The following SUGCT variants were observed in gnomAD, a reference collection of about 807,000 sequenced individuals.
SUGCT encodes succinyl-CoA:glutarate-CoA transferase, also known as succinyl-CoA:glutarate CoA-transferase.
A neutral mutation model predicts 55.0 loss-of-function variants in SUGCT; 41 were observed. The observed-to-expected ratio is 0.74, with a 90% CI of 0.58 to 0.97. SUGCT has a LOEUF of 0.97. SUGCT is among the 50% of genes least tolerant of loss of function. The pLI is 0.00. For synonymous variants in SUGCT, 187 were observed against 200.4 expected, an observed-to-expected ratio of 0.93 and a Z score of 0.56; for missense variants, 568 against 547.8, an observed-to-expected ratio of 1.04 and a Z score of -0.37.
the SUGCT span, among the ~76,000 whole-genome samples, chr7:40,947,157 A>G: frequency 2.0e-5 from 3 of 152,162 alleles, no homozygotes; most frequent in Non-Finnish European, 4.4e-5. Context: ...TGTTTTTCAG[A>G]CTAGATTATC....
At chr7:40,565,119 G>A (rs1012836325) in intron 12 of SUGCT, among the ~76,000 whole-genome samples, 3 of 152,190 alleles carry the variant, frequency 2.0e-5, no homozygotes, top group Admixed American at 6.5e-5. Context: ...TTTAAGGAAC[G>A]TTGAAAAATA....
At chr7:40,143,263 T>C (rs1343902167) in intron 1 of SUGCT, among the ~76,000 whole-genome samples, 1 of 152,204 alleles carries the variant, frequency 6.6e-6, no homozygotes, top group Non-Finnish European at 1.5e-5. Context: ...ATAGGTCAGC[T>C]CTTGGAAGTG....
At chr7:40,210,574 AT>A (rs1787279591) in intron 6 of SUGCT, among the ~76,000 whole-genome samples, 1 of 152,046 alleles carries the variant, frequency 6.6e-6, no homozygotes, top group African/African-American at 2.4e-5. Context: ...TTTCTTTTCA[AT>A]TCTCAGCAAG....
At chr7:40,351,755 T>A (rs1797645631) in intron 9 of SUGCT, among the ~76,000 whole-genome samples, 1 of 152,226 alleles carries the variant, frequency 6.6e-6, no homozygotes, top group African/African-American at 2.4e-5. Flanking sequence ...CTTATCTATG[T>A]TTTTGTCTTC....
rs150373316 is a variant in SUGCT at position 40,791,324 on chromosome 7, A to G, written c.1153+41827A>G. ...TAGCACTTTACTGTCAATGCAATAG[A>G]GACAAATAATTTTGCTTAAAGATAG... On this transcript the variant is annotated intron_variant, in intron 13 of 13. Coordinates refer to ENST00000335693, the MANE Select transcript of SUGCT (RefSeq NM_001193313.2). 1.5e-3 allele frequency among the ~76,000 whole-genome samples: 233 copies of G among 152,344 alleles called. 2 individuals are homozygous for G. Among genetic ancestry groups the G allele is most frequent in the Middle Eastern group, 0.01 (3 of 294 alleles).
chr7:40,469,987 C>A (rs1243627071), intron 11 of SUGCT, among the ~76,000 whole-genome samples: 1 of 152,138 alleles, frequency 6.6e-6, no homozygotes, highest in Non-Finnish European at 1.5e-5. Flanking sequence ...TCAAATTTAA[C>A]CCCTTCCTAA....
chr7:40,833,015 G>A (rs145567396), intron 13 of SUGCT, among the ~76,000 whole-genome samples: 20 of 151,728 alleles, frequency 1.3e-4, no homozygotes, highest in African/African-American at 2.2e-4. Flanking sequence ...CCATCCCCTC[G>A]GTCCATAGAC....
rs555593368 is a variant in SUGCT, at chr7:40,800,437, C to T, written c.1153+50940C>T. Among the ~76,000 whole-genome samples the T allele has an allele frequency of 6.6e-5, 10 of 151,954 alleles. No homozygotes were observed. In the East Asian group the frequency reaches 1.4e-3, roughly 21 times the overall value. ...TCGAGTAGCTGGGATTACAGGCACC[C>T]GCCATCACGCCTGGCTAATTTTTTT... On this transcript the variant is annotated intron_variant, in intron 13 of 13. Transcript: ENST00000335693.
the SUGCT span, among the ~76,000 whole-genome samples, chr7:41,037,255 C>G: frequency 6.6e-6 from 1 of 151,952 alleles, no homozygotes; most frequent in Non-Finnish European, 1.5e-5. Flanking sequence ...GAATCATTTC[C>G]CCCCACATAG....
chr7:40,534,888 A>G (rs535042999), intron 12 of SUGCT, among the ~76,000 whole-genome samples: 7 of 152,308 alleles, frequency 4.6e-5, no homozygotes, highest in African/African-American at 1.7e-4. Context: ...TTTATAACTT[A>G]TTGGTGACAG....
At chr7:40,328,771 A>G (rs1294206666) in intron 9 of SUGCT, among the ~76,000 whole-genome samples, 2 of 151,732 alleles carry the variant, frequency 1.3e-5, no homozygotes, top group South Asian at 2.1e-4. Flanking sequence ...ATGTGTGTGT[A>G]TGTGTATGTG....
the SUGCT span, among the ~76,000 whole-genome samples, chr7:40,963,032 G>T: frequency 6.6e-6 from 1 of 152,058 alleles, no homozygotes; most frequent in Non-Finnish European, 1.5e-5. Flanking sequence ...ACCTTTTTCT[G>T]GGAATTGCAT....
the SUGCT span, among the ~76,000 whole-genome samples, chr7:40,985,468 C>CT: frequency 1.3e-5 from 2 of 151,994 alleles, no homozygotes; most frequent in Admixed American, 6.6e-5. Context: ...AAGGGAACCA[C>CT]TAGGTGTTGG....
intron 12 of SUGCT, among the ~76,000 whole-genome samples, chr7:40,694,696 G>A (rs929948842): frequency 6.6e-6 from 1 of 152,138 alleles, no homozygotes; most frequent in African/African-American, 2.4e-5. Flanking sequence ...CAATGAGAAA[G>A]ATACAAATTT....
chr7:40,625,087 A>G (rs891680125), intron 12 of SUGCT, among the ~76,000 whole-genome samples: 1 of 152,024 alleles, frequency 6.6e-6, no homozygotes, highest in Non-Finnish European at 1.5e-5. Context: ...CCCCCATTTC[A>G]TATCTCCTAA....
At chr7:40,580,939 T>A (rs554729013) in intron 12 of SUGCT, among the ~76,000 whole-genome samples, 1 of 152,174 alleles carries the variant, frequency 6.6e-6, no homozygotes, top group Non-Finnish European at 1.5e-5. Context: ...TCTATGATGT[T>A]TGCAAAATGA....
At chr7:40,874,303 A>T in the SUGCT span, among the ~76,000 whole-genome samples, 1 of 152,228 alleles carries the variant, frequency 6.6e-6, no homozygotes, top group Non-Finnish European at 1.5e-5. Flanking sequence ...AGTGGACCAA[A>T]ACTGAGCCAA....
At chr7:40,773,566 T>G (rs1370208679) in intron 13 of SUGCT, among the ~76,000 whole-genome samples, 1 of 152,224 alleles carries the variant, frequency 6.6e-6, no homozygotes, top group Non-Finnish European at 1.5e-5. Context: ...ATAAAATCAA[T>G]GTACATTTGC....
Position 40,273,313 on chromosome 7 carries a change from G to T in SUGCT, c.577-1200G>T, listed in dbSNP as rs375774782. Among the ~76,000 whole-genome samples the T allele has an allele frequency of 4.3e-4, 65 of 152,178 alleles. No individual in the cohort carries two copies. In the East Asian group the frequency reaches 0.011, roughly 27 times the overall value. ...GTACTTTTGCAAAACAATTAACATG[G>T]TTTATGATGGGCTACAAAAAAAGGA... On this transcript the variant is annotated intron_variant, in intron 7 of 13. Transcript: ENST00000335693.
Sources: allele counts gnomAD v4.1 joint callset (sites outside exome capture counted in the v4.1 genomes callset), GRCh38; gene constraint gnomAD v4.1.1; transcripts MANE v1.5; gene names NCBI Gene and HGNC (gene_info 2026-07-23, HGNC 2026-07-21).